MYL9: variants seen among roughly 807,000 people sequenced by gnomAD.
MYL9 encodes the protein myosin regulatory light polypeptide 9.
Under a neutral mutation model 12.8 loss-of-function variants are expected in MYL9, and 7 were observed. That is an observed-to-expected ratio of 0.55 (90% CI 0.31 to 1.03). MYL9 has a LOEUF of 1.03. Ranked by LOEUF, MYL9 falls within the 50% of genes least tolerant of loss-of-function variation. The pLI is 0.05. For synonymous variants in MYL9, 81 were observed against 87.8 expected (o/e 0.92, Z 0.43); for missense variants, 190 against 242.7 (o/e 0.78, Z 1.44).
intron 1 of MYL9, among the ~76,000 whole-genome samples, chr20:36,542,858 C>T (rs2038053014): frequency 6.6e-6 from 1 of 152,246 alleles, no homozygotes; most frequent in Non-Finnish European, 1.5e-5. Context: ...CCCAGCCACA[C>T]CACAGCAGAG....
Position 36,542,512 on chromosome 20 carries a change from T to C in MYL9, c.-27+951T>C, listed in dbSNP as rs77912495. 5.0e-3 allele frequency among the ~76,000 whole-genome samples: 767 copies of C among 152,250 alleles called. 36 individuals are homozygous for C. The East Asian group carries it at 0.1, about 20-fold the overall frequency. ...GCCTCAGAACTAAAGGCCCCACCCA[T>C]GCCTGCCCCTCGCCCCTCCACCAGT... On this transcript the variant is annotated intron_variant, in intron 1 of 3. Transcript: ENST00000279022.
At chr20:36,544,614 A>G (rs1036169635) in intron 1 of MYL9, among the ~76,000 whole-genome samples, 5 of 152,090 alleles carry the variant, frequency 3.3e-5, no homozygotes, top group Non-Finnish European at 7.4e-5. Context: ...GTTAATCCCT[A>G]CTGCTGGGCA....
At chr20:36,548,654 T>C (rs1444745594) in intron 3 of MYL9, among the ~76,000 whole-genome samples, 1 of 152,176 alleles carries the variant, frequency 6.6e-6, no homozygotes, top group East Asian at 1.9e-4. Context: ...CATCCCTGTT[T>C]TCTAGATTAA....
intron 3 of MYL9, among the ~76,000 whole-genome samples, chr20:36,548,743 G>A (rs572028665): frequency 1.3e-5 from 2 of 152,316 alleles, no homozygotes; most frequent in African/African-American, 2.4e-5. Context: ...AACTCAGGCA[G>A]TGGAACTCCA....
At chr20:36,541,673 C>T (rs923068393) in intron 1 of MYL9, 112 bp downstream of exon 1, 2 of 152,516 alleles carry the variant, frequency 1.3e-5, no homozygotes, top group Non-Finnish European at 1.5e-5. Flanking sequence ...GCGGGCCCCA[C>T]GGACTGGGAC....
At position 36,545,038 on chromosome 20, in the gene MYL9, G is replaced by T. The variant is rs1159077651; in HGVS notation, c.154G>T (p.Glu52Ter). 6 of 1,614,086 alleles carry T rather than the reference G, an allele frequency of 3.7e-6. No individual in the cohort carries two copies. The highest frequency in any genetic ancestry group is 1.3e-5 in the African/African-American group (1 of 74,944). ...GAACCGTGATGGCTTCATTGACAAGGAGGACCTGCACGACATGCTGGCCTC... is the reference window on the plus strand; with the variant it reads ...GAACCGTGATGGCTTCATTGACAAGTAGGACCTGCACGACATGCTGGCCTC... ...DQNRDGFIDK[E>*]DLHDMLASLG... The change falls in exon 2 of 4, where the codon GAG (glutamate) becomes TAG (stop). Residue 52 changes from glutamate (E) to a stop codon, truncating the protein, a stop_gained. Coordinates refer to ENST00000279022, the MANE Select transcript of MYL9 (RefSeq NM_006097.5). LOFTEE classifies it high-confidence loss of function.
intron 2 of MYL9, 63 bp downstream of exon 2, chr20:36,545,131 C>T: frequency 1.9e-6 from 3 of 1,560,104 alleles, no homozygotes; most frequent in Non-Finnish European, 2.6e-6. Flanking sequence ...CAATCATTTA[C>T]AGGGCACCTC....
chr20:36,542,460 C>T lies in MYL9; in HGVS notation c.-27+899C>T, dbSNP rs534212549. On this transcript the variant is annotated intron_variant, in intron 1 of 3. Transcript: ENST00000279022. ...AAGTATCAGTGCTGACCCCTGGTGT[C>T]TAGGGCACCTGAAGGGGGAAGCGAT... Among the ~76,000 whole-genome samples, 17 of 152,260 alleles carry T rather than the reference C, an allele frequency of 1.1e-4. No individual in the cohort carries two copies. In the East Asian group the frequency reaches 3.3e-3, roughly 29 times the overall value.
intron 2 of MYL9, among the ~76,000 whole-genome samples, chr20:36,547,102 A>T (rs2038110019): frequency 6.6e-6 from 1 of 152,162 alleles, no homozygotes; most frequent in Non-Finnish European, 1.5e-5. Flanking sequence ...CACACCCTGC[A>T]CCCAGGCCCC....
intron 1 of MYL9, among the ~76,000 whole-genome samples, chr20:36,544,044 T>C (rs538826096): frequency 6.6e-6 from 1 of 152,170 alleles, no homozygotes; most frequent in Admixed American, 6.5e-5. Flanking sequence ...TTCACAATGA[T>C]AGGTGTAGGT....
intron 3 of MYL9, among the ~76,000 whole-genome samples, chr20:36,548,484 A>G (rs1378119534): frequency 6.6e-6 from 1 of 152,224 alleles, no homozygotes; most frequent in Non-Finnish European, 1.5e-5. Context: ...CCAAGAAGGT[A>G]TAGAAACTGG....
chr20:36,549,161 G>A lies in MYL9; in HGVS notation c.431G>A (p.Arg144Gln), dbSNP rs750610365. Reference sequence around the variant, plus strand: ...GATGAGGAAGTGGACGAGATGTACCGGGAGGCACCCATTGATAAGAAAGGC... The same window carrying A: ...GATGAGGAAGTGGACGAGATGTACCAGGAGGCACCCATTGATAAGAAAGGC... ...FTDEEVDEMY[R>Q]EAPIDKKGNF... is the part of the protein sequence containing the mutation. The change falls in exon 4 of 4, where the codon CGG becomes CAG. Residue 144 changes from arginine to glutamine, a missense_variant. Physicochemically the swap from Arg to Gln is conservative, Grantham distance 43. Coordinates refer to ENST00000279022, the MANE Select transcript of MYL9 (RefSeq NM_006097.5). 1.1e-5 allele frequency: 17 copies of A among 1,613,846 alleles called. No homozygotes were observed. The Admixed American group carries it at 1.2e-4, about 11-fold the overall frequency.
At chr20:36,542,114 G>C (rs2147893605) in intron 1 of MYL9, among the ~76,000 whole-genome samples, 1 of 152,266 alleles carries the variant, frequency 6.6e-6, no homozygotes, top group East Asian at 1.9e-4. Flanking sequence ...CTGTATGCAG[G>C]GACCCGGGCC....
At chr20:36,543,746 T>TAA (rs1483144712) in intron 1 of MYL9, among the ~76,000 whole-genome samples, 3 of 152,020 alleles carry the variant, frequency 2.0e-5, no homozygotes, top group Non-Finnish European at 4.4e-5. Context: ...GGGAGAGAGA[T>TAA]CTTTAAGTGT....
chr20:36,549,358 G>C lies in MYL9; in HGVS notation c.*109G>C. ...CCCTCGCTCAGGGATCCCCCTTTGA[G>C]GGGTTAGGGTCCCAGTTCCCAGTGG... On this transcript the variant is annotated 3_prime_UTR_variant, in exon 4 of 4. Coordinates refer to ENST00000279022, the MANE Select transcript of MYL9 (RefSeq NM_006097.5). The C allele has an allele frequency of 2.0e-6, 2 of 1,013,454 alleles. No homozygotes were observed. Among genetic ancestry groups the C allele is most frequent in the South Asian group, 3.3e-5 (2 of 61,418 alleles). The allele number at this position is 1,013,454 out of a possible 1,614,324, so 62.8% of individuals were successfully genotyped here. A position where few individuals can be genotyped will look rare whatever the true frequency, so the allele number is the denominator to read the frequency against.
chr20:36,547,914 A>G (rs1241143633), intron 2 of MYL9, 118 bp from the exon 3 acceptor site: 8 of 1,264,644 alleles, frequency 6.3e-6, no homozygotes, highest in Non-Finnish European at 8.5e-6. Context: ...CACAAAACCC[A>G]CTACCTCCCG....
In MYL9 at chr20:36,549,287, C is replaced by A; in HGVS notation, c.*38C>A. ...CCCTGACACCCCAGCCCCCGCCAGT[C>A]ACCCCTCCCCGCACACACCCGTCCA... On this transcript the variant is annotated 3_prime_UTR_variant, in exon 4 of 4. Transcript: ENST00000279022. 2 of 1,488,338 alleles carry A rather than the reference C, an allele frequency of 1.3e-6. No individual in the cohort carries two copies. Among genetic ancestry groups the A allele is most frequent in the South Asian group, 1.3e-5 (1 of 77,688 alleles). 92.2% of individuals were successfully genotyped at this position (1,488,338 alleles called of 1,614,324 possible). A position where few individuals can be genotyped will look rare whatever the true frequency, so the allele number is the denominator to read the frequency against.
rs1216520344 is a variant in MYL9, at chr20:36,549,264, CT to C, written c.*16del. 8.2e-6 allele frequency: 13 copies of C among 1,581,472 alleles called. No homozygotes were observed. The highest frequency in any genetic ancestry group is 1.0e-5 in the Non-Finnish European group (12 of 1,161,918). On this transcript the variant is annotated 3_prime_UTR_variant, in exon 4 of 4. Transcript: ENST00000279022. ...AAGACGACTAGGCCACCCCAGCCCC[CT>C]GACACCCCAGCCCCCGCCAGTCACC...
At chr20:36,547,473 G>A (rs1201649965) in intron 2 of MYL9, among the ~76,000 whole-genome samples, 1 of 152,204 alleles carries the variant, frequency 6.6e-6, no homozygotes, top group Admixed American at 6.5e-5. Context: ...TGCAACTACT[G>A]TCTTCACAAT....
Sources: allele counts gnomAD v4.1 joint callset (sites outside exome capture counted in the v4.1 genomes callset), GRCh38; gene constraint gnomAD v4.1.1; transcripts MANE v1.5; gene names NCBI Gene and HGNC (gene_info 2026-07-23, HGNC 2026-07-21).